The following DGKZ variants were observed in gnomAD, a reference collection of about 807,000 sequenced individuals.
DGKZ encodes diacylglycerol kinase zeta.
Under a neutral mutation model 142.5 loss-of-function variants are expected in DGKZ, and 45 were observed. The observed-to-expected ratio is 0.32, with a 90% CI of 0.25 to 0.40. DGKZ has a LOEUF of 0.40. Among genes scored for constraint, DGKZ ranks in the 10% least tolerant of loss-of-function variants. The probability of loss-of-function intolerance (pLI) is 1.00; values close to 1 mark genes in which losing one functional copy is unlikely to be tolerated. For missense variants in DGKZ, 755 were observed against 1,306.5 expected, an observed-to-expected ratio of 0.58 and a Z score of 6.51; for synonymous variants, 442 against 527.0, an observed-to-expected ratio of 0.84 and a Z score of 2.21.
chr11:46,373,171 G>A (rs1168731213), intron 14 of DGKZ, 70 bp downstream of exon 14: 3 of 1,477,850 alleles, frequency 2.0e-6, no homozygotes, highest in Admixed American at 2.8e-5. Context: ...TCCACTTGCT[G>A]GTTCTGGGAC....
chr11:46,335,516 C>G (rs1939974087), intron 1 of DGKZ, among the ~76,000 whole-genome samples: 1 of 152,176 alleles, frequency 6.6e-6, no homozygotes. Context: ...CCCTCCACAG[C>G]CCAAACAACT....
At chr11:46,356,787 T>G (rs1228719863) in intron 1 of DGKZ, among the ~76,000 whole-genome samples, 1 of 152,162 alleles carries the variant, frequency 6.6e-6, no homozygotes, top group African/African-American at 2.4e-5. Flanking sequence ...CCGCTTTGTC[T>G]CTCAGTTTCC....
chr11:46,374,701 C>T (rs745470062), intron 17 of DGKZ, 35 bp downstream of exon 17: 10 of 1,297,066 alleles, frequency 7.7e-6, no homozygotes, highest in East Asian at 5.0e-5. Flanking sequence ...GTGGGTGGGC[C>T]GGAAGGGAGG....
chr11:46,342,375 C>T (rs952320054), intron 1 of DGKZ, among the ~76,000 whole-genome samples: 1 of 152,228 alleles, frequency 6.6e-6, no homozygotes, highest in South Asian at 2.1e-4. Flanking sequence ...TTGAAGCCTC[C>T]AGCCTGCCTG....
upstream of DGKZ, among the ~76,000 whole-genome samples, chr11:46,347,215 G>C (rs775677818): frequency 6.6e-6 from 1 of 152,174 alleles, no homozygotes; most frequent in Non-Finnish European, 1.5e-5. The surrounding 1 kb of genome is among the most constrained non-coding windows in gnomAD (Gnocchi z 6.4). Context: ...GATGCGCGCA[G>C]TGCGAGTGTG....
rs531321539 is a variant in DGKZ at position 46,349,243 on chromosome 11, C to A, written c.161+1423C>A. Among the ~76,000 whole-genome samples, 7 of 152,338 alleles carry A rather than the reference C, an allele frequency of 4.6e-5. No homozygotes were observed. The South Asian group carries it at 6.2e-4, about 14-fold the overall frequency. On this transcript the variant is annotated intron_variant, in intron 1 of 30. Coordinates refer to ENST00000527911, the Ensembl canonical transcript of DGKZ. ...TAAAACAGAGCAGGGAGTGAAACTT[C>A]CAGTAGCTCTGTTTTGTCACCCACA...
At chr11:46,373,409 C>T (rs1289354492) in intron 14 of DGKZ, among the ~76,000 whole-genome samples, 1 of 151,076 alleles carries the variant, frequency 6.6e-6, no homozygotes, top group Admixed American at 6.6e-5. Context: ...GCCTCAGCCT[C>T]CTGAGTAGCT....
rs533181154 is a variant in DGKZ, at chr11:46,355,271, G to C, written c.161+7451G>C. 6.2e-4 allele frequency among the ~76,000 whole-genome samples: 95 copies of C among 152,196 alleles called. 2 individuals carry two copies. The East Asian group carries it at 0.016, about 25-fold the overall frequency. On this transcript the variant is annotated intron_variant, in intron 1 of 30. Transcript: ENST00000527911. ...CTACAGGCGCCCGCCACCACGCCCG[G>C]CTAATTTTTTGTATTTTTAGTAGAG...
intron 1 of DGKZ, among the ~76,000 whole-genome samples, chr11:46,338,163 A>G (rs970530270): frequency 6.6e-6 from 1 of 152,152 alleles, no homozygotes; most frequent in East Asian, 1.9e-4. Flanking sequence ...TCAGCAACGC[A>G]ATACCATTCT....
chr11:46,351,948 G>T (rs1280963315), intron 1 of DGKZ, among the ~76,000 whole-genome samples: 1 of 152,220 alleles, frequency 6.6e-6, no homozygotes, highest in Non-Finnish European at 1.5e-5. Context: ...AGCTGCCCAG[G>T]ATTCTCGGTT....
chr11:46,367,011 G>T lies in DGKZ; in HGVS notation c.162-280G>T. On this transcript the variant is annotated intron_variant, in intron 1 of 30. Coordinates refer to ENST00000527911, the Ensembl canonical transcript of DGKZ. This position sits in a 1 kb window ranked among gnomAD's most constrained non-coding sequence, Gnocchi z 4.1. ...TAGGTATAGCTGTGGCCAGCAGGGC[G>T]AGTGGTGTGACCTCCTGTGGGTCTG... 6.7e-7 allele frequency: 1 copy of T among 1,490,160 alleles called. No individual in the cohort carries two copies. Among genetic ancestry groups the T allele is most frequent in the Non-Finnish European group, 8.9e-7 (1 of 1,126,398 alleles). 92.3% of individuals were successfully genotyped at this position (1,490,160 alleles called of 1,614,324 possible).
intron 1 of DGKZ, among the ~76,000 whole-genome samples, chr11:46,338,076 C>G (rs1940096606): frequency 6.6e-6 from 1 of 152,236 alleles, no homozygotes. Context: ...CAGTCATAGA[C>G]AACGTGTAAG....
chr11:46,357,224 G>A (rs986942466), intron 1 of DGKZ, among the ~76,000 whole-genome samples: 9 of 152,050 alleles, frequency 5.9e-5, no homozygotes, highest in African/African-American at 1.2e-4. Flanking sequence ...TAGGATCCCC[G>A]CCTAGCCCCC....
At chr11:46,376,959 C>T in intron 24 of DGKZ, 114 bp from the exon 25 acceptor site, 1 of 965,106 alleles carries the variant, frequency 1.0e-6, no homozygotes, top group South Asian at 1.5e-5. Flanking sequence ...TGCCTGGCCA[C>T]CTCCTTTCAG....
chr11:46,333,260 G>C (rs768864548), exon 1 of DGKZ: 965 of 1,248,404 alleles, frequency 7.7e-4, no homozygotes, highest in Middle Eastern at 2.8e-3. Flanking sequence ...AGCCGCGGGC[G>C]GAAGGCGGCC....
chr11:46,354,895 C>T (rs111671925), intron 1 of DGKZ, among the ~76,000 whole-genome samples: 8 of 152,306 alleles, frequency 5.3e-5, no homozygotes, highest in Admixed American at 3.9e-4. Flanking sequence ...TTAACCTCCA[C>T]GTCCGATTCC....
intron 6 of DGKZ, among the ~76,000 whole-genome samples, chr11:46,370,343 T>G (rs1943805604): frequency 6.6e-6 from 1 of 152,250 alleles, no homozygotes; most frequent in Admixed American, 6.5e-5. Flanking sequence ...GGCAGCGGTT[T>G]CCCACCCTCC....
chr11:46,367,143 A>C lies in DGKZ; in HGVS notation c.162-148A>C. ...TACCCCAAAAGGCCATGTCTCTTGC[A>C]GGGAGCCTCTTAGTGTCTGGGGCTG... On this transcript the variant is annotated intron_variant, in intron 1 of 30. Coordinates refer to ENST00000527911, the Ensembl canonical transcript of DGKZ. This position sits in a 1 kb window ranked among gnomAD's most constrained non-coding sequence, Gnocchi z 4.1. 2 of 1,241,890 alleles carry C rather than the reference A, an allele frequency of 1.6e-6. No homozygotes were observed. The highest frequency in any genetic ancestry group is 2.3e-6 in the Non-Finnish European group (2 of 872,074). The allele number at this position is 1,241,890 out of a possible 1,614,324, so 76.9% of individuals were successfully genotyped here.
intron 4 of DGKZ, chr11:46,369,085 G>A: frequency 3.4e-6 from 1 of 289,886 alleles, no homozygotes; most frequent in South Asian, 3.1e-5. Flanking sequence ...ATGCACACCT[G>A]TAATCCCAGC....
Sources: allele counts gnomAD v4.1 joint callset (sites outside exome capture counted in the v4.1 genomes callset), GRCh38; gene constraint gnomAD v4.1.1; non-coding constraint Gnocchi (gnomAD v3.1); transcripts MANE v1.5; gene names NCBI Gene and HGNC (gene_info 2026-07-23, HGNC 2026-07-21).